CSMD1: variants seen among roughly 807,000 people sequenced by gnomAD.
CSMD1 encodes CUB and sushi domain-containing protein 1.
In CSMD1, 213 loss-of-function variants were observed where a neutral mutation model predicts 417.5. The ratio of observed to expected loss-of-function variants is 0.51; its 90% CI spans 0.46 to 0.57. CSMD1 has a LOEUF of 0.57. Ranked by LOEUF, CSMD1 falls within the 20% of genes least tolerant of loss-of-function variation. CSMD1 has a pLI of 0.00. For missense variants in CSMD1, 6,923 were observed against 4,529.7 expected, an observed-to-expected ratio of 1.53 and a Z score of -15.17; for synonymous variants, 2,862 against 1,736.8, an observed-to-expected ratio of 1.65 and a Z score of -16.11.
chr8:3,479,839 T>C (rs1177719483), intron 11 of CSMD1, among the ~76,000 whole-genome samples: 4 of 151,848 alleles, frequency 2.6e-5, no homozygotes, highest in Non-Finnish European at 4.4e-5. Context: ...TCAGTGATCA[T>C]TTACAAATTA....
intron 2 of CSMD1, among the ~76,000 whole-genome samples, chr8:4,528,126 C>A (rs186019714): frequency 7.8e-4 from 118 of 152,256 alleles, no homozygotes; most frequent in African/African-American, 2.7e-3. Context: ...TGACTTTCAT[C>A]CTTTTAAGGA....
chr8:4,827,116 A>C (rs1336835321), intron 1 of CSMD1, among the ~76,000 whole-genome samples: 1 of 152,168 alleles, frequency 6.6e-6, no homozygotes, highest in Non-Finnish European at 1.5e-5. Flanking sequence ...GGTGTGAAGC[A>C]GAATCAATCA....
chr8:2,972,535 T>A (rs995116574), intron 57 of CSMD1, among the ~76,000 whole-genome samples: 1 of 152,166 alleles, frequency 6.6e-6, no homozygotes, highest in Non-Finnish European at 1.5e-5. Flanking sequence ...TGATACACAG[T>A]GCAGTGTCTA....
At chr8:4,509,238 G>C (rs1364792168) in intron 2 of CSMD1, among the ~76,000 whole-genome samples, 1 of 152,042 alleles carries the variant, frequency 6.6e-6, no homozygotes, top group Non-Finnish European at 1.5e-5. Context: ...ATATTAAAGA[G>C]ATCAAAGAGA....
intron 52 of CSMD1, among the ~76,000 whole-genome samples, chr8:3,002,251 T>A (rs962006000): frequency 2.0e-5 from 3 of 152,220 alleles, no homozygotes; most frequent in African/African-American, 7.2e-5. Context: ...ACAAGTGTTA[T>A]CACAGGCACA....
At chr8:4,337,420 T>C (rs1800233576) in intron 3 of CSMD1, among the ~76,000 whole-genome samples, 1 of 152,140 alleles carries the variant, frequency 6.6e-6, no homozygotes, top group Non-Finnish European at 1.5e-5. Flanking sequence ...TGCTTTTCTA[T>C]CTTAGCCTTC....
intron 12 of CSMD1, among the ~76,000 whole-genome samples, chr8:3,413,427 T>C (rs17066046): frequency 0.1 from 15,364 of 152,206 alleles, 977 homozygotes; most frequent in East Asian, 0.26. Context: ...TCCTGATGCA[T>C]GGCTACGGCT....
intron 12 of CSMD1, among the ~76,000 whole-genome samples, chr8:3,441,614 T>C (rs1222802624): frequency 1.3e-5 from 2 of 151,940 alleles, no homozygotes; most frequent in Non-Finnish European, 2.9e-5. Flanking sequence ...AAAAACCTCC[T>C]ATCACCTAAT....
intron 4 of CSMD1, among the ~76,000 whole-genome samples, chr8:4,015,414 C>G (rs562415655): frequency 1.3e-5 from 2 of 152,088 alleles, no homozygotes; most frequent in African/African-American, 2.4e-5. Flanking sequence ...CCTCGACTGA[C>G]AGTTCATATA....
intron 3 of CSMD1, among the ~76,000 whole-genome samples, chr8:4,040,133 G>A (rs964034816): frequency 6.6e-6 from 1 of 152,180 alleles, no homozygotes; most frequent in East Asian, 1.9e-4. Flanking sequence ...TATTTTTAAA[G>A]GGTATGAGAG....
intron 23 of CSMD1, among the ~76,000 whole-genome samples, chr8:3,311,141 A>G (rs1563258678): frequency 1.3e-5 from 2 of 152,182 alleles, no homozygotes; most frequent in Non-Finnish European, 2.9e-5. Flanking sequence ...TACCATAAAT[A>G]TGCTTAGGAC....
At chr8:4,664,760 A>G (rs1239086517) in intron 1 of CSMD1, among the ~76,000 whole-genome samples, 1 of 152,176 alleles carries the variant, frequency 6.6e-6, no homozygotes, top group African/African-American at 2.4e-5. Flanking sequence ...AGACAATCAA[A>G]TTATTCACAT....
At chr8:4,286,313 G>C (rs908642667) in intron 3 of CSMD1, among the ~76,000 whole-genome samples, 2 of 152,006 alleles carry the variant, frequency 1.3e-5, no homozygotes, top group African/African-American at 4.8e-5. Flanking sequence ...CGTTGTTCTT[G>C]TCACTTTGGA....
Position 4,676,986 on chromosome 8 carries a change from T to TTA in CSMD1, c.86-39430_86-39429dup, listed in dbSNP as rs1166148768. ...TCATATATAATATATATTATATATT[T>TTA]TATATATATATAAAATTTTATATAG... On this transcript the variant is annotated intron_variant, in intron 1 of 69. Transcript: ENST00000635120. Among the ~76,000 whole-genome samples, 25 of 146,068 alleles carry TTA rather than the reference T, an allele frequency of 1.7e-4. No homozygotes were observed. The South Asian group carries it at 5.1e-3, about 30-fold the overall frequency.
At chr8:3,540,471 G>A (rs1307086315) in intron 10 of CSMD1, among the ~76,000 whole-genome samples, 1 of 152,080 alleles carries the variant, frequency 6.6e-6, no homozygotes, top group Non-Finnish European at 1.5e-5. Flanking sequence ...CATAGTCACG[G>A]GCAACGAATT....
intron 21 of CSMD1, among the ~76,000 whole-genome samples, chr8:3,351,576 G>A (rs1428957846): frequency 4.2e-5 from 6 of 144,380 alleles, no homozygotes; most frequent in Middle Eastern, 3.4e-3. Context: ...CAGCCTGGGC[G>A]ACACAGTGTG....
At chr8:3,869,208 C>T (rs901297998) in intron 5 of CSMD1, among the ~76,000 whole-genome samples, 2 of 152,140 alleles carry the variant, frequency 1.3e-5, no homozygotes, top group African/African-American at 4.8e-5. Flanking sequence ...AGGCCCTCCA[C>T]CTCGGTGTTT....
At chr8:3,550,369 G>A (rs543025825) in intron 10 of CSMD1, among the ~76,000 whole-genome samples, 3 of 152,060 alleles carry the variant, frequency 2.0e-5, no homozygotes, top group Non-Finnish European at 4.4e-5. Context: ...ACCCCGCCTG[G>A]ACCAATCTTC....
intron 5 of CSMD1, among the ~76,000 whole-genome samples, chr8:3,962,477 C>G (rs546792024): frequency 7.9e-5 from 12 of 152,240 alleles, no homozygotes; most frequent in African/African-American, 2.9e-4. Context: ...GGATGTCACC[C>G]CCTGTTTATG....
Sources: allele counts gnomAD v4.1 joint callset (sites outside exome capture counted in the v4.1 genomes callset), GRCh38; gene constraint gnomAD v4.1.1; transcripts MANE v1.5; gene names NCBI Gene and HGNC (gene_info 2026-07-23, HGNC 2026-07-21).